SPOCK1: variants seen among roughly 807,000 people sequenced by gnomAD.
SPOCK1 encodes SPARC (osteonectin), cwcv and kazal like domains proteoglycan 1.
Under a neutral mutation model 55.3 loss-of-function variants are expected in SPOCK1, and 23 were observed. The observed-to-expected ratio is 0.42, with a 90% CI of 0.30 to 0.59. SPOCK1 has a LOEUF of 0.59. Ranked by LOEUF, SPOCK1 falls within the 20% of genes least tolerant of loss-of-function variation. SPOCK1 has a pLI of 0.22. For missense variants in SPOCK1, 499 were observed against 552.5 expected (o/e 0.90, Z 0.97); for synonymous variants, 226 against 221.0 (o/e 1.02, Z -0.20).
intron 2 of SPOCK1, among the ~76,000 whole-genome samples, chr5:137,315,982 G>T (rs920596954): frequency 6.6e-6 from 1 of 152,176 alleles, no homozygotes; most frequent in Non-Finnish European, 1.5e-5. Flanking sequence ...GAGGTGAGCC[G>T]CTAGTTGTTG....
chr5:137,082,111 G>A (rs1238294095), intron 5 of SPOCK1, among the ~76,000 whole-genome samples: 1 of 152,200 alleles, frequency 6.6e-6, no homozygotes, highest in African/African-American at 2.4e-5. Context: ...CTTGCTCCAT[G>A]GCCAGAAACG....
At chr5:137,394,283 T>C (rs917432719) in intron 2 of SPOCK1, among the ~76,000 whole-genome samples, 1 of 152,216 alleles carries the variant, frequency 6.6e-6, no homozygotes, top group Non-Finnish European at 1.5e-5. Context: ...ATTAAGACTT[T>C]TACACACTAC....
chr5:137,061,892 C>T (rs956564278), intron 6 of SPOCK1, among the ~76,000 whole-genome samples: 1 of 152,150 alleles, frequency 6.6e-6, no homozygotes, highest in Admixed American at 6.5e-5. Context: ...TAACTCCCAT[C>T]ATACAGACCT....
intron 4 of SPOCK1, among the ~76,000 whole-genome samples, chr5:137,140,300 C>T (rs1341150455): frequency 6.6e-6 from 1 of 152,198 alleles, no homozygotes; most frequent in African/African-American, 2.4e-5. Flanking sequence ...AATTCTCAAT[C>T]ATGACCAAGA....
At chr5:136,984,110 C>T (rs1217478689) in intron 9 of SPOCK1, among the ~76,000 whole-genome samples, 3 of 152,108 alleles carry the variant, frequency 2.0e-5, no homozygotes, top group Non-Finnish European at 4.4e-5. Flanking sequence ...GCCTTCAGAC[C>T]AGAAATATAT....
At chr5:136,992,757 C>G in intron 6 of SPOCK1, 157 bp from the exon 7 acceptor site, 1 of 541,454 alleles carries the variant, frequency 1.8e-6, no homozygotes, top group Non-Finnish European at 3.2e-6. Flanking sequence ...GCTGTTAGTA[C>G]AAACAAAGAG....
At chr5:137,372,938 T>C (rs1751232957) in intron 2 of SPOCK1, among the ~76,000 whole-genome samples, 1 of 152,180 alleles carries the variant, frequency 6.6e-6, no homozygotes, top group Non-Finnish European at 1.5e-5. Context: ...TATGATGACA[T>C]TGCTATGGTT....
chr5:136,977,717 G>C lies in SPOCK1; in HGVS notation c.*937C>G. The C allele has an allele frequency of 2.5e-6, 1 of 398,774 alleles. No homozygotes were observed. Among genetic ancestry groups the C allele is most frequent in the Non-Finnish European group, 4.4e-6 (1 of 225,980 alleles). The allele number at this position is 398,774 out of a possible 1,614,324, so 24.7% of individuals were successfully genotyped here. A position where few individuals can be genotyped will look rare whatever the true frequency, so the allele number is the denominator to read the frequency against. On this transcript the variant is annotated 3_prime_UTR_variant, in exon 11 of 11. Coordinates refer to ENST00000394945, the MANE Select transcript of SPOCK1 (RefSeq NM_004598.4). ...TGTGGGAGTCGCATGGCTTCTGCGA[G>C]AAAAGTGATTTAGGCAGACGGAGGT...
chr5:137,183,819 G>A (rs1017158979), intron 3 of SPOCK1, among the ~76,000 whole-genome samples: 1 of 152,206 alleles, frequency 6.6e-6, no homozygotes, highest in South Asian at 2.1e-4. Flanking sequence ...AAGGCACAGA[G>A]GTAGAGAATC....
chr5:136,992,788 G>C, intron 6 of SPOCK1, 188 bp from the exon 7 acceptor site: 1 of 488,146 alleles, frequency 2.0e-6, no homozygotes, highest in Non-Finnish European at 3.6e-6. Flanking sequence ...AGAGAGCCTA[G>C]ACCCCCAGGG....
chr5:137,129,520 C>T (rs1753835367), intron 4 of SPOCK1, among the ~76,000 whole-genome samples: 2 of 152,008 alleles, frequency 1.3e-5, no homozygotes, highest in Non-Finnish European at 2.9e-5. Context: ...TGGTCAGGGG[C>T]CTAAGGAATG....
intron 3 of SPOCK1, among the ~76,000 whole-genome samples, chr5:137,216,136 G>T (rs1391382646): frequency 6.6e-6 from 1 of 152,190 alleles, no homozygotes; most frequent in Non-Finnish European, 1.5e-5. Context: ...GGGAAAGGGG[G>T]CACTGAGGTA....
chr5:137,332,731 C>T (rs1347614696), intron 2 of SPOCK1, among the ~76,000 whole-genome samples: 1 of 151,834 alleles, frequency 6.6e-6, no homozygotes, highest in East Asian at 1.9e-4. Flanking sequence ...TGTGTAGATA[C>T]TACACTTGAT....
At chr5:137,329,366 ATATATATACACC>A (rs1177983149) in intron 2 of SPOCK1, among the ~76,000 whole-genome samples, 1 of 152,044 alleles carries the variant, frequency 6.6e-6, no homozygotes, top group Non-Finnish European at 1.5e-5. Context: ...ATCTATTTAT[ATATATATACACC>A]TATATATACA....
chr5:137,135,371 A>T (rs1753963230), intron 4 of SPOCK1, among the ~76,000 whole-genome samples: 1 of 152,220 alleles, frequency 6.6e-6, no homozygotes. Flanking sequence ...AGACTAGCAG[A>T]AAATCCCTGA....
chr5:137,082,904 G>A (rs540727755), intron 5 of SPOCK1, among the ~76,000 whole-genome samples: 1 of 152,278 alleles, frequency 6.6e-6, no homozygotes, highest in Admixed American at 6.5e-5. Flanking sequence ...ATATTTTGAT[G>A]TCAGTCCGAA....
intron 4 of SPOCK1, among the ~76,000 whole-genome samples, chr5:137,129,802 AG>A (rs1261773522): frequency 2.0e-5 from 3 of 152,242 alleles, no homozygotes; most frequent in Non-Finnish European, 4.4e-5. Flanking sequence ...CTGAGCAGCA[AG>A]GAATCAGAGA....
chr5:137,103,585 C>T (rs942382191), intron 5 of SPOCK1, among the ~76,000 whole-genome samples: 3 of 152,212 alleles, frequency 2.0e-5, no homozygotes, highest in African/African-American at 2.4e-5. Flanking sequence ...CTGGAGGCTG[C>T]ACATCAGCCT....
rs1410500394 is a variant in SPOCK1, at chr5:137,013,340, T to C, written c.590-20740A>G. On this transcript the variant is annotated intron_variant, in intron 6 of 10. Transcript: ENST00000394945. ...GAGATCAGAACAGACTATCTCAGAG[T>C]CTTGAGTTTGTGGATATTTCCTGAA... Among the ~76,000 whole-genome samples, 4 of 151,998 alleles carry C rather than the reference T, an allele frequency of 2.6e-5. 1 individual carries two copies. Among genetic ancestry groups the C allele is most frequent in the Non-Finnish European group, 5.9e-5 (4 of 67,988 alleles).
Sources: allele counts gnomAD v4.1 joint callset (sites outside exome capture counted in the v4.1 genomes callset), GRCh38; gene constraint gnomAD v4.1.1; transcripts MANE v1.5; gene names NCBI Gene and HGNC (gene_info 2026-07-23, HGNC 2026-07-21).